Variants in PRDM1 observed in about 807,000 individuals in gnomAD.
PRDM1 encodes PR domain zinc finger protein 1.
PRDM1 carries 13 observed loss-of-function variants against 62.8 expected under a neutral mutation model. That is an observed-to-expected ratio of 0.21 (90% CI 0.13 to 0.33). The LOEUF (loss-of-function observed/expected upper bound fraction) is 0.33, where lower values mean the gene tolerates loss of function less well. PRDM1 is among the 10% of genes least tolerant of loss of function. The pLI, the probability that PRDM1 is intolerant of heterozygous loss-of-function variation, is 1.00. For missense variants in PRDM1, 895 were observed against 1,058.8 expected (o/e 0.85, Z 2.15); for synonymous variants, 396 against 417.6 (o/e 0.95, Z 0.63).
At chr6:106,066,974 C>CA (rs1283718207) in intron 1 of PRDM1, among the ~76,000 whole-genome samples, 1 of 152,220 alleles carries the variant, frequency 6.6e-6, no homozygotes, top group Admixed American at 6.5e-5. Context: ...TTAGTCTTCA[C>CA]AATCTCCCAG....
chr6:106,104,547 A>C (rs1244129060), intron 4 of PRDM1, among the ~76,000 whole-genome samples: 1 of 152,190 alleles, frequency 6.6e-6, no homozygotes, highest in Non-Finnish European at 1.5e-5. Context: ...GCAATTTTCT[A>C]TCATAAGGTC....
chr6:106,062,099 T>C (rs530694181), intron 1 of PRDM1, among the ~76,000 whole-genome samples: 2 of 152,340 alleles, frequency 1.3e-5, no homozygotes, highest in East Asian at 3.9e-4. Flanking sequence ...CTATTTAAAA[T>C]TGTAAAAAAA....
chr6:106,106,021 T>C lies in PRDM1; in HGVS notation c.1773+88T>C. ...TGCTTTCCATGGGGTATCGATTGCA[T>C]TTGCAGTAGTATGAGCCCCCGGTTG... On this transcript the variant is annotated intron_variant, in intron 5 of 6. Coordinates refer to ENST00000369096, the MANE Select transcript of PRDM1 (RefSeq NM_001198.4). The surrounding 1 kb of genome is among the most constrained non-coding windows in gnomAD (Gnocchi z 4.4). 6.6e-7 allele frequency: 1 copy of C among 1,511,658 alleles called. No homozygotes were observed. Among genetic ancestry groups the C allele is most frequent in the Non-Finnish European group, 8.9e-7 (1 of 1,128,300 alleles). The allele number at this position is 1,511,658 out of a possible 1,614,324, so 93.6% of individuals were successfully genotyped here. A position where few individuals can be genotyped will look rare whatever the true frequency, so the allele number is the denominator to read the frequency against.
In PRDM1 at chr6:106,105,730, A is replaced by T; in HGVS notation, c.1570A>T (p.Thr524Ser). 6.2e-7 allele frequency: 1 copy of T among 1,613,986 alleles called. No homozygotes were observed. Among genetic ancestry groups the T allele is most frequent in the Non-Finnish European group, 8.5e-7 (1 of 1,180,002 alleles). ...SGSPTAGTAATAEHVVQPKAT... is the reference protein window; with the variant it reads ...SGSPTAGTAASAEHVVQPKAT... ...GTCTCCCACGGCGGGAACAGCCGCCACGGCAGAACATGTGGTGCAGCCCAA... is the reference window on the plus strand; with the variant it reads ...GTCTCCCACGGCGGGAACAGCCGCCTCGGCAGAACATGTGGTGCAGCCCAA... Residue 524 changes from threonine to serine, a missense_variant, in exon 5 of 7, where the codon ACG (threonine) becomes TCG (serine). Coordinates refer to ENST00000369096, the MANE Select transcript of PRDM1 (RefSeq NM_001198.4).
At chr6:106,061,216 T>G (rs1421491750) in intron 1 of PRDM1, among the ~76,000 whole-genome samples, 2 of 82,414 alleles carry the variant, frequency 2.4e-5, no homozygotes, top group Non-Finnish European at 5.1e-5. Context: ...TTCCAGCAGT[T>G]CAGCAGTTAG....
chr6:106,105,632 C>A lies in PRDM1; in HGVS notation c.1472C>A (p.Ala491Glu). The change falls in exon 5 of 7, where the codon GCG becomes GAG. Residue 491 changes from alanine (A) to glutamate (E), a missense_variant. By Grantham distance (107) the Ala-to-Glu change is moderately radical. Around this residue, in one of 4 missense-constraint regions of PRDM1, gnomAD observed 444 missense variants for 422.7 expected, o/e 1.05. Transcript: ENST00000369096. Reference sequence around the variant, plus strand: ...CATCCCAGGGAGGTGCTTGTCCCGGCGCCCCACAGTGCCTTCTCCTTTACC... The same window carrying A: ...CATCCCAGGGAGGTGCTTGTCCCGGAGCCCCACAGTGCCTTCTCCTTTACC... ...PEHPREVLVP[A>E]PHSAFSFTGA... is the part of the protein sequence containing the mutation. The A allele has an allele frequency of 6.2e-7, 1 of 1,613,266 alleles. No individual in the cohort carries two copies. The highest frequency in any genetic ancestry group is 8.5e-7 in the Non-Finnish European group (1 of 1,179,388).
chr6:106,055,591 G>A (rs770472290), intron 1 of PRDM1, among the ~76,000 whole-genome samples: 3 of 152,174 alleles, frequency 2.0e-5, no homozygotes, highest in Non-Finnish European at 2.9e-5. Context: ...CAGTTAATAC[G>A]TAAGGGACCT....
At chr6:106,101,045 G>T (rs944568125) in intron 4 of PRDM1, among the ~76,000 whole-genome samples, 2 of 152,104 alleles carry the variant, frequency 1.3e-5, no homozygotes, top group Admixed American at 6.5e-5. Context: ...TGAGGACCTA[G>T]TAACAAACGA....
intron 1 of PRDM1, among the ~76,000 whole-genome samples, chr6:106,006,391 C>T (rs187646659): frequency 6.7e-6 from 1 of 148,596 alleles, no homozygotes; most frequent in East Asian, 1.9e-4. Flanking sequence ...CCACAGACCC[C>T]TATCTAATGA....
chr6:106,056,233 C>T (rs987597796), intron 1 of PRDM1, among the ~76,000 whole-genome samples: 8 of 152,102 alleles, frequency 5.3e-5, no homozygotes, highest in Non-Finnish European at 1.2e-4. Context: ...ACTCTGTTGT[C>T]CTGCAAGTGA....
chr6:106,104,019 T>C (rs1774356053), intron 4 of PRDM1, among the ~76,000 whole-genome samples: 1 of 152,226 alleles, frequency 6.6e-6, no homozygotes, highest in South Asian at 2.1e-4. Flanking sequence ...TTTATCAAAT[T>C]CGTATTCAAC....
intron 1 of PRDM1, among the ~76,000 whole-genome samples, chr6:106,077,002 T>G (rs1421850084): frequency 6.6e-6 from 1 of 152,240 alleles, no homozygotes; most frequent in Non-Finnish European, 1.5e-5. Context: ...TTGGAAAATC[T>G]ATTACATTTG....
chr6:106,052,634 C>T (rs544804964), intron 1 of PRDM1, among the ~76,000 whole-genome samples: 4 of 152,070 alleles, frequency 2.6e-5, no homozygotes, highest in South Asian at 2.1e-4. Flanking sequence ...GATTTACACC[C>T]GAATACGTCT....
At chr6:106,096,531 G>A (rs1202269728) in intron 3 of PRDM1, among the ~76,000 whole-genome samples, 1 of 152,186 alleles carries the variant, frequency 6.6e-6, no homozygotes, top group African/African-American at 2.4e-5. Context: ...GAGGACCACA[G>A]AACTAGTCCT....
chr6:106,088,525 T>C, intron 2 of PRDM1, 76 bp downstream of exon 2: 2 of 1,538,932 alleles, frequency 1.3e-6, no homozygotes, highest in Non-Finnish European at 1.8e-6. Context: ...AGGCCTTGTA[T>C]ATCTCTGAAA....
chr6:106,086,653 CT>C, intron 1 of PRDM1, 58 bp downstream of exon 1: 1 of 1,437,688 alleles, frequency 7.0e-7, no homozygotes. Flanking sequence ...ACTTTATTTT[CT>C]TTTCCTTTAT....
At chr6:106,013,475 G>A (rs939142718) in intron 1 of PRDM1, among the ~76,000 whole-genome samples, 1 of 151,640 alleles carries the variant, frequency 6.6e-6, no homozygotes, top group Non-Finnish European at 1.5e-5. Flanking sequence ...TTACAGGTGT[G>A]TGCCACAACA....
chr6:106,088,636 G>T (rs922518917), intron 2 of PRDM1, among the ~76,000 whole-genome samples, 187 bp downstream of exon 2: 13 of 152,016 alleles, frequency 8.6e-5, no homozygotes, highest in Non-Finnish European at 1.3e-4. Context: ...ATTTCTTCCA[G>T]CCTTCAACTG....
intron 1 of PRDM1, among the ~76,000 whole-genome samples, chr6:106,024,367 A>G (rs1257187658): frequency 1.3e-5 from 2 of 152,162 alleles, no homozygotes; most frequent in African/African-American, 2.4e-5. Context: ...TTGTTTCTTC[A>G]CTACATTTCC....
Sources: allele counts gnomAD v4.1 joint callset (sites outside exome capture counted in the v4.1 genomes callset), GRCh38; gene constraint gnomAD v4.1.1; regional missense constraint gnomAD v4.1.1; non-coding constraint Gnocchi (gnomAD v3.1); transcripts MANE v1.5; gene names NCBI Gene and HGNC (gene_info 2026-07-23, HGNC 2026-07-21).